The following GPRC5B variants were observed in gnomAD, a reference collection of about 807,000 sequenced individuals.
The protein encoded by GPRC5B is G protein-coupled receptor family C group 5 member B.
In GPRC5B, 16 loss-of-function variants were observed where a neutral mutation model predicts 30.1. The ratio of observed to expected loss-of-function variants is 0.53; its 90% CI spans 0.36 to 0.81. The LOEUF is 0.81. GPRC5B is among the 30% of genes least tolerant of loss of function. The probability of loss-of-function intolerance (pLI) is 0.01; values close to 1 mark genes in which losing one functional copy is unlikely to be tolerated. For missense variants in GPRC5B, 428 were observed against 544.7 expected, an observed-to-expected ratio of 0.79 and a Z score of 2.13; for synonymous variants, 241 against 239.5, an observed-to-expected ratio of 1.01 and a Z score of -0.06.
At chr16:19,866,902 C>T (rs947842846) in intron 2 of GPRC5B, among the ~76,000 whole-genome samples, 3 of 152,218 alleles carry the variant, frequency 2.0e-5, no homozygotes, top group Admixed American at 1.3e-4. Flanking sequence ...TCATCATCCC[C>T]GCGCCAGCCC....
intron 2 of GPRC5B, among the ~76,000 whole-genome samples, chr16:19,870,819 G>C (rs2056711359): frequency 1.1e-4 from 16 of 152,212 alleles, no homozygotes; most frequent in Admixed American, 1.0e-3. Flanking sequence ...AAGTCCAGGA[G>C]GGGCCAGAGG....
chr16:19,883,878 C>A (rs1044653844), intron 1 of GPRC5B, among the ~76,000 whole-genome samples: 1 of 152,348 alleles, frequency 6.6e-6, no homozygotes, highest in Middle Eastern at 3.4e-3. Context: ...ACCGGCTGCC[C>A]GGGGCCAAGG....
rs2074427 is a variant in GPRC5B at position 19,861,785 on chromosome 16, G to C, written c.1167+52C>G. 6.9e-5 allele frequency: 107 copies of C among 1,545,162 alleles called. 2 individuals are homozygous for C. In the African/African-American group the frequency reaches 8.3e-4, roughly 12 times the overall value. On this transcript the variant is annotated intron_variant, in intron 3 of 3. Transcript: ENST00000300571. The stretch of plus-strand genomic sequence containing the variant: ...TATGTCCCTGTTGAAGCTGCTCCCC[G>C]ACACCGTAGACTCCTAGGCTTCCTA...
intron 1 of GPRC5B, among the ~76,000 whole-genome samples, chr16:19,882,902 GC>G (rs2056818040): frequency 6.6e-6 from 1 of 152,078 alleles, no homozygotes; most frequent in South Asian, 2.1e-4. Flanking sequence ...CAGGCACAGT[GC>G]CTTCCTCCTG....
chr16:19,879,032 T>C (rs756681820), intron 1 of GPRC5B, among the ~76,000 whole-genome samples: 1 of 152,016 alleles, frequency 6.6e-6, no homozygotes, highest in Non-Finnish European at 1.5e-5. Flanking sequence ...CCCTAGCTCC[T>C]TCACCTCCCC....
chr16:19,872,176 C>T lies in GPRC5B; in HGVS notation c.670G>A (p.Gly224Ser), dbSNP rs148789431. The change falls in exon 2 of 4, where the codon GGC becomes AGC. Residue 224 changes from glycine to serine, a missense_variant. Gly to Ser is a moderately conservative substitution (Grantham distance 56). Coordinates refer to ENST00000300571, the MANE Select transcript of GPRC5B (RefSeq NM_016235.3). The surrounding 1 kb of genome is among the most constrained non-coding windows in gnomAD (Gnocchi z 5.0). ...TLGLALFTLCGKFKRWKLNGA... is the reference protein window; with the variant it reads ...TLGLALFTLCSKFKRWKLNGA... The stretch of plus-strand genomic sequence containing the variant: ...TTCAGCTTCCACCTCTTGAACTTGC[C>T]GCACAGAGTGAAGAGGGCCAGCCCC... The T allele has an allele frequency of 8.5e-5, 137 of 1,613,992 alleles. No homozygotes were observed. Among genetic ancestry groups the T allele is most frequent in the Middle Eastern group, 1.6e-4 (1 of 6,084 alleles).
At chr16:19,865,893 T>A (rs536832379) in intron 2 of GPRC5B, among the ~76,000 whole-genome samples, 1 of 151,940 alleles carries the variant, frequency 6.6e-6, no homozygotes, top group Non-Finnish European at 1.5e-5. Context: ...AATACCAAAC[T>A]CAGACTTAAT....
At position 19,884,795 on chromosome 16, in the gene GPRC5B, G is replaced by T. The variant is rs1394938274; in HGVS notation, c.-70C>A. On this transcript the variant is annotated 5_prime_UTR_variant, in exon 1 of 4. Coordinates refer to ENST00000300571, the MANE Select transcript of GPRC5B (RefSeq NM_016235.3). ...GGCCCGAGTCACATCTCTGCGGCGC[G>T]GCCGCGGCCCCCGCTCCACGCACGC... 1.2e-5 allele frequency: 12 copies of T among 983,916 alleles called. No individual in the cohort carries two copies. The highest frequency in any genetic ancestry group is 1.4e-5 in the Non-Finnish European group (12 of 829,290). The allele number at this position is 983,916 out of a possible 1,614,324, so 60.9% of individuals were successfully genotyped here.
At chr16:19,885,586 C>T, upstream of GPRC5B, 1 of 1,058,842 alleles carries the variant, frequency 9.4e-7, no homozygotes, top group Non-Finnish European at 1.1e-6. The surrounding 1 kb of genome is among the most constrained non-coding windows in gnomAD (Gnocchi z 5.3). Context: ...CCACCCCTAC[C>T]GCACACATCA....
chr16:19,863,101 C>T (rs998423727), intron 2 of GPRC5B, among the ~76,000 whole-genome samples: 82 of 152,108 alleles, frequency 5.4e-4, no homozygotes, highest in African/African-American at 1.9e-3. Context: ...TATATATTAA[C>T]CATTAACTCA....
At chr16:19,873,325 A>G (rs2056737665) in intron 1 of GPRC5B, among the ~76,000 whole-genome samples, 1 of 151,944 alleles carries the variant, frequency 6.6e-6, no homozygotes, top group Admixed American at 6.6e-5. Context: ...TTAGCTGGGC[A>G]TGGTGGCGGG....
chr16:19,885,133 T>C (rs1157889896), upstream of GPRC5B: 3 of 1,109,350 alleles, frequency 2.7e-6, no homozygotes, highest in African/African-American at 4.8e-5. This position sits in a 1 kb window ranked among gnomAD's most constrained non-coding sequence, Gnocchi z 5.3. Context: ...CCGTAAGCAG[T>C]CCAGACGAGC....
intron 1 of GPRC5B, among the ~76,000 whole-genome samples, chr16:19,875,375 C>T (rs189411438): frequency 6.6e-6 from 1 of 152,378 alleles, no homozygotes; most frequent in Admixed American, 6.5e-5. Flanking sequence ...ACCACAGCTA[C>T]TTATGCTTTG....
intron 3 of GPRC5B, 34 bp downstream of exon 3, chr16:19,861,803 G>A (rs2056625258): frequency 6.3e-7 from 1 of 1,600,000 alleles, no homozygotes; most frequent in Non-Finnish European, 8.6e-7. Context: ...AGACTCCTAG[G>A]CTTCCTACCC....
chr16:19,867,863 A>G (rs1319157364), intron 2 of GPRC5B, among the ~76,000 whole-genome samples: 1 of 152,204 alleles, frequency 6.6e-6, no homozygotes, highest in Non-Finnish European at 1.5e-5. Context: ...CAGCCTGGCC[A>G]ACATAGTGAA....
intron 1 of GPRC5B, among the ~76,000 whole-genome samples, chr16:19,874,579 G>T (rs2056746894): frequency 6.6e-6 from 1 of 152,214 alleles, no homozygotes; most frequent in Admixed American, 6.5e-5. Flanking sequence ...GGGCTGGGTT[G>T]TTCTCTGTCA....
At chr16:19,862,008 C>A in intron 2 of GPRC5B, 35 bp from the exon 3 acceptor site, 1 of 1,600,722 alleles carries the variant, frequency 6.2e-7, no homozygotes, top group Admixed American at 1.7e-5. Flanking sequence ...ACAACATTGC[C>A]AAAAAAAAGA....
rs547103356 is a variant in GPRC5B, at chr16:19,868,290, C to T, written c.1030+3526G>A. Among the ~76,000 whole-genome samples, 433 of 151,996 alleles carry T rather than the reference C, an allele frequency of 2.8e-3. 1 individual carries two copies. Among genetic ancestry groups the T allele is most frequent in the African/African-American group, 9.9e-3 (412 of 41,454 alleles). On this transcript the variant is annotated intron_variant, in intron 2 of 3. Coordinates refer to ENST00000300571, the MANE Select transcript of GPRC5B (RefSeq NM_016235.3). ...CCAGGAGGCAGGGGCAGGAGAATTG[C>T]TTGAACCTGGAGGCGGAGGTTGTGG...
chr16:19,857,370 C>A lies in GPRC5B; in HGVS notation c.*3130G>T. On this transcript the variant is annotated 3_prime_UTR_variant, in exon 4 of 4. Coordinates refer to ENST00000300571, the MANE Select transcript of GPRC5B (RefSeq NM_016235.3). ...ATAAAACCTATCTGCCCATGGTTTA[C>A]AGCCTTTTAAATTTGTAATATTTAT... 2.4e-6 allele frequency: 1 copy of A among 416,224 alleles called. No homozygotes were observed. 25.8% of individuals were successfully genotyped at this position (416,224 alleles called of 1,614,324 possible).
Sources: allele counts gnomAD v4.1 joint callset (sites outside exome capture counted in the v4.1 genomes callset), GRCh38; gene constraint gnomAD v4.1.1; non-coding constraint Gnocchi (gnomAD v3.1); transcripts MANE v1.5; gene names NCBI Gene and HGNC (gene_info 2026-07-23, HGNC 2026-07-21).